SLC25A15: variants seen among roughly 807,000 people sequenced by gnomAD.
SLC25A15 encodes the protein mitochondrial ornithine transporter 1.
SLC25A15 carries 24 observed loss-of-function variants against 32.3 expected under a neutral mutation model. The observed-to-expected ratio is 0.74, with a 90% CI of 0.54 to 1.04. The LOEUF (loss-of-function observed/expected upper bound fraction) is 1.04. SLC25A15 is among the 50% of genes least tolerant of loss of function. The pLI is 0.00. For missense variants in SLC25A15, 317 were observed against 374.5 expected (o/e 0.85, Z 1.27); for synonymous variants, 132 against 142.1 (o/e 0.93, Z 0.51).
At chr13:40,801,970 C>T (rs571867152) in intron 3 of SLC25A15, among the ~76,000 whole-genome samples, 17 of 152,400 alleles carry the variant, frequency 1.1e-4, no homozygotes, top group Admixed American at 1.1e-3. Flanking sequence ...TCTGATTTGA[C>T]TGTGTCCTTG....
chr13:40,810,465 T>C lies in SLC25A15; in HGVS notation c.*798T>C, dbSNP rs1015892559. Among the ~76,000 whole-genome samples, 4 of 152,078 alleles carry C rather than the reference T, an allele frequency of 2.6e-5. No individual in the cohort carries two copies. Among genetic ancestry groups the C allele is most frequent in the African/African-American group, 9.7e-5 (4 of 41,414 alleles). The stretch of plus-strand genomic sequence containing the variant: ...GGTGTGAGCCACCATGCCCAGCCAG[T>C]GGTTGAATTTTTTAAAAAGTGTTCA... On this transcript the variant is annotated 3_prime_UTR_variant, in exon 7 of 7. Transcript: ENST00000338625.
At chr13:40,801,166 G>A (rs1881869246) in intron 3 of SLC25A15, among the ~76,000 whole-genome samples, 1 of 151,212 alleles carries the variant, frequency 6.6e-6, no homozygotes, top group South Asian at 2.1e-4. Flanking sequence ...TCAGGAGGCA[G>A]AGGTTGCAGT....
chr13:40,794,142 A>T (rs763396921), intron 2 of SLC25A15, among the ~76,000 whole-genome samples: 107 of 152,324 alleles, frequency 7.0e-4, no homozygotes, highest in Non-Finnish European at 3.4e-4. Flanking sequence ...GGAGTTCAAG[A>T]CCAGCTTGAC....
intron 2 of SLC25A15, chr13:40,798,771 T>C (rs1193237844): frequency 1.0e-6 from 1 of 985,320 alleles, no homozygotes; most frequent in East Asian, 1.1e-4. Context: ...CCTCTGACCC[T>C]ATTGCCCAGG....
At position 40,812,049 on chromosome 13, in the gene SLC25A15, T is replaced by C. The variant is rs1882477305; in HGVS notation, c.*2382T>C. On this transcript the variant is annotated 3_prime_UTR_variant, in exon 7 of 7. Coordinates refer to ENST00000338625, the MANE Select transcript of SLC25A15 (RefSeq NM_014252.4). ...AAACCATTTTTCTACTTTGCTTTTC[T>C]CTCCATACTTAAATGGTCAGTAGCT... Among the ~76,000 whole-genome samples, 1 of 152,212 alleles carries C rather than the reference T, an allele frequency of 6.6e-6. No individual in the cohort carries two copies. Among genetic ancestry groups the C allele is most frequent in the African/African-American group, 2.4e-5 (1 of 41,452 alleles).
intron 3 of SLC25A15, chr13:40,802,412 C>G (rs950494537): frequency 1.3e-5 from 2 of 152,180 alleles, no homozygotes; most frequent in African/African-American, 4.8e-5. Context: ...AAAGAAAGCT[C>G]CACTCTAAGC....
chr13:40,810,034 CTTGT>C lies in SLC25A15; in HGVS notation c.*370_*373del, dbSNP rs1344461469. 1.4e-5 allele frequency: 4 copies of C among 288,724 alleles called. No individual in the cohort carries two copies. Among genetic ancestry groups the C allele is most frequent in the South Asian group, 3.8e-5 (1 of 26,522 alleles). The allele number at this position is 288,724 out of a possible 1,614,324, so 17.9% of individuals were successfully genotyped here. A position where few individuals can be genotyped will look rare whatever the true frequency, so the allele number is the denominator to read the frequency against. On this transcript the variant is annotated 3_prime_UTR_variant, in exon 7 of 7. Coordinates refer to ENST00000338625, the MANE Select transcript of SLC25A15 (RefSeq NM_014252.4). ...TGTTGAGGGAAATACAGTTTGGTAC[CTTGT>C]TTATTTCAAATATCAGAAAAACCCA...
intron 2 of SLC25A15, among the ~76,000 whole-genome samples, chr13:40,794,112 G>A (rs771697454): frequency 5.9e-5 from 9 of 152,160 alleles, no homozygotes; most frequent in African/African-American, 1.9e-4. Context: ...AGGCCAAGGC[G>A]GGCAGATCAC....
At chr13:40,804,882 C>G (rs997818046) in intron 3 of SLC25A15, among the ~76,000 whole-genome samples, 1 of 152,014 alleles carries the variant, frequency 6.6e-6, no homozygotes, top group Non-Finnish European at 1.5e-5. Context: ...GGAGGTCTCT[C>G]TTTGTTTCCC....
At chr13:40,799,462 G>A (rs1881799392) in intron 3 of SLC25A15, 147 bp downstream of exon 3, 2 of 894,278 alleles carry the variant, frequency 2.2e-6, no homozygotes, top group African/African-American at 1.7e-5. Flanking sequence ...ACCAGCCTGG[G>A]CAACACAGCA....
chr13:40,791,465 C>T (rs899921968), intron 1 of SLC25A15, among the ~76,000 whole-genome samples: 3 of 151,744 alleles, frequency 2.0e-5, no homozygotes, highest in African/African-American at 4.8e-5. Flanking sequence ...TCAAGTGAAT[C>T]TTCTGCCTCA....
intron 5 of SLC25A15, among the ~76,000 whole-genome samples, chr13:40,808,045 G>A (rs1161352374): frequency 6.6e-6 from 1 of 152,148 alleles, no homozygotes; most frequent in Admixed American, 6.5e-5. Context: ...AAGAATCAGG[G>A]CTATTAAAAT....
chr13:40,808,408 A>T (rs1593295788), intron 5 of SLC25A15, 30 bp from the exon 6 acceptor site: 16 of 1,607,404 alleles, frequency 1.0e-5, no homozygotes, highest in Non-Finnish European at 1.3e-5. Flanking sequence ...CTTGAGACAA[A>T]ATACCATTTG....
chr13:40,802,464 C>G (rs1210210571), intron 3 of SLC25A15, among the ~76,000 whole-genome samples: 2 of 152,218 alleles, frequency 1.3e-5, no homozygotes, highest in Middle Eastern at 3.2e-3. Context: ...GGTACAGAAG[C>G]TAGACCACCA....
At chr13:40,795,729 C>G (rs1311066568) in intron 2 of SLC25A15, among the ~76,000 whole-genome samples, 1 of 152,166 alleles carries the variant, frequency 6.6e-6, no homozygotes, top group Non-Finnish European at 1.5e-5. Context: ...ACAGAAACCT[C>G]TGTTCTGCTG....
intron 2 of SLC25A15, among the ~76,000 whole-genome samples, chr13:40,797,673 G>C (rs1195109892): frequency 2.0e-5 from 3 of 152,150 alleles, no homozygotes; most frequent in Non-Finnish European, 4.4e-5. Context: ...GCAGTTTTCA[G>C]ACTCTGGAAT....
Position 40,810,677 on chromosome 13 carries a change from A to AG in SLC25A15, c.*1014dup. 1 of 514,822 alleles carries AG rather than the reference A, an allele frequency of 1.9e-6. No individual in the cohort carries two copies. The allele number at this position is 514,822 out of a possible 1,614,324, so 31.9% of individuals were successfully genotyped here. On this transcript the variant is annotated 3_prime_UTR_variant, in exon 7 of 7. Transcript: ENST00000338625. ...CATATTCCACGCTGACTATATTGCT[A>AG]GGGGTGGCCCAGAGGGTCAGGCCTT...
intron 2 of SLC25A15, chr13:40,798,657 A>G (rs71427425): frequency 0.019 from 10,589 of 555,970 alleles, 126 homozygotes; most frequent in Non-Finnish European, 0.022. Context: ...TGTCTCCTCC[A>G]TTTTTATTTA....
chr13:40,794,003 C>G (rs1055896271), intron 2 of SLC25A15, among the ~76,000 whole-genome samples: 10 of 152,226 alleles, frequency 6.6e-5, no homozygotes, highest in African/African-American at 2.4e-4. Flanking sequence ...ACACCACTTA[C>G]TGTCCCTGCT....
Sources: gnomAD v4.1 joint callset for allele counts (sites outside exome capture counted in the v4.1 genomes callset) on GRCh38, gnomAD v4.1.1 for gene constraint, MANE v1.5 for transcripts, NCBI Gene and HGNC (gene_info 2026-07-23, HGNC 2026-07-21) for gene names.